CADM2: variants seen among roughly 807,000 people sequenced by gnomAD.
The protein encoded by CADM2 is cell adhesion molecule 2.
In CADM2, 12 loss-of-function variants were observed where a neutral mutation model predicts 49.8. The ratio of observed to expected loss-of-function variants is 0.24; its 90% CI spans 0.15 to 0.39. The LOEUF is 0.39. Ranked by LOEUF, CADM2 falls within the 10% of genes least tolerant of loss-of-function variation. The pLI is 1.00. For synonymous variants in CADM2, 214 were observed against 175.4 expected, an observed-to-expected ratio of 1.22 and a Z score of -1.74; for missense variants, 378 against 492.3, an observed-to-expected ratio of 0.77 and a Z score of 2.20.
At chr3:85,907,552 T>C (rs1716962388) in intron 5 of CADM2, among the ~76,000 whole-genome samples, 1 of 152,182 alleles carries the variant, frequency 6.6e-6, no homozygotes, top group East Asian at 1.9e-4. Flanking sequence ...AGAACTGGCC[T>C]ACTCTAGGCA....
intron 1 of CADM2, 102 bp downstream of exon 1, chr3:84,959,770 C>T: frequency 9.2e-7 from 1 of 1,083,288 alleles, no homozygotes; most frequent in East Asian, 2.6e-5. Flanking sequence ...CTCCCTGTCC[C>T]CAGCGATTTC....
At chr3:84,997,877 A>G (rs75270670) in intron 1 of CADM2, among the ~76,000 whole-genome samples, 8,558 of 152,142 alleles carry the variant, frequency 0.056, 841 homozygotes, top group African/African-American at 0.19. Context: ...TAAGAAAGCT[A>G]TTGCTGTTGA....
At chr3:85,998,140 G>T (rs1185568137) in intron 8 of CADM2, among the ~76,000 whole-genome samples, 2 of 152,132 alleles carry the variant, frequency 1.3e-5, no homozygotes, top group African/African-American at 4.8e-5. Flanking sequence ...CAATTAAAAT[G>T]CTGGGGTAGC....
intron 1 of CADM2, among the ~76,000 whole-genome samples, chr3:85,567,519 G>T (rs1387493184): frequency 1.3e-5 from 2 of 152,072 alleles, no homozygotes; most frequent in African/African-American, 4.8e-5. Flanking sequence ...AGGTCTTAGA[G>T]AAGAAACATT....
Position 85,596,503 on chromosome 3 carries a change from A to T in CADM2, c.62-130019A>T, listed in dbSNP as rs557887221. Among the ~76,000 whole-genome samples the T allele has an allele frequency of 2.6e-5, 4 of 152,210 alleles. No individual in the cohort carries two copies. The South Asian group carries it at 8.3e-4, about 32-fold the overall frequency. ...GACTGATATTTTAAAAACTGCATAT[A>T]ATTAATGTGTGCAAATTGATGAGTA... On this transcript the variant is annotated intron_variant, in intron 1 of 9. Transcript: ENST00000383699.
chr3:85,582,366 C>G (rs191245075), intron 1 of CADM2, among the ~76,000 whole-genome samples: 2 of 152,138 alleles, frequency 1.3e-5, no homozygotes, highest in Non-Finnish European at 1.5e-5. Context: ...AAAAATTGTT[C>G]TAGCAGATGA....
At position 85,070,390 on chromosome 3, in the gene CADM2, A is replaced by G. The variant is rs192170546; in HGVS notation, c.61+110722A>G. 8.3e-4 allele frequency among the ~76,000 whole-genome samples: 127 copies of G among 152,320 alleles called. 1 individual carries two copies. In the Middle Eastern group the frequency reaches 0.02, roughly 24 times the overall value. On this transcript the variant is annotated intron_variant, in intron 1 of 9. Transcript: ENST00000383699. The stretch of plus-strand genomic sequence containing the variant: ...CTATACTTCATATCAAATTATTCTT[A>G]TAGAAAGACTAGATTCCTCTCCTCT...
intron 1 of CADM2, among the ~76,000 whole-genome samples, chr3:85,118,024 T>C (rs1271364691): frequency 6.6e-6 from 1 of 152,124 alleles, no homozygotes; most frequent in East Asian, 1.9e-4. Context: ...AAACTGCTAG[T>C]TTCTTCTGTG....
intron 2 of CADM2, among the ~76,000 whole-genome samples, chr3:85,727,855 T>TA (rs1379933416): frequency 1.3e-5 from 2 of 152,032 alleles, no homozygotes; most frequent in Admixed American, 6.6e-5. Context: ...GTAGTGTATT[T>TA]AAAAAAATAA....
At chr3:85,902,279 C>T (rs970913091) in intron 5 of CADM2, among the ~76,000 whole-genome samples, 16 of 151,730 alleles carry the variant, frequency 1.1e-4, no homozygotes, top group Non-Finnish European at 2.1e-4. Context: ...GAAATGTTCT[C>T]CATTATTTTA....
chr3:85,207,662 A>G (rs1222229629), intron 1 of CADM2, among the ~76,000 whole-genome samples: 2 of 152,142 alleles, frequency 1.3e-5, no homozygotes, highest in African/African-American at 2.4e-5. Context: ...TGTATGATTT[A>G]AAGTAGGTGA....
chr3:85,781,162 A>G (rs1170435415), intron 2 of CADM2, among the ~76,000 whole-genome samples: 2 of 152,178 alleles, frequency 1.3e-5, no homozygotes, highest in Non-Finnish European at 2.9e-5. Flanking sequence ...GGTACTTGCA[A>G]CTAATTAAGA....
chr3:86,045,539 A>G (rs1015216679), intron 8 of CADM2, among the ~76,000 whole-genome samples: 7 of 152,204 alleles, frequency 4.6e-5, no homozygotes, highest in African/African-American at 1.7e-4. Flanking sequence ...ATTGAACCAC[A>G]TAAGCAGATG....
At chr3:85,330,184 A>G (rs1163984461) in intron 1 of CADM2, among the ~76,000 whole-genome samples, 2 of 152,150 alleles carry the variant, frequency 1.3e-5, no homozygotes, top group Admixed American at 1.3e-4. Context: ...CTCATCACCT[A>G]GGAATATTTG....
chr3:85,939,543 A>G (rs940217163), intron 7 of CADM2, among the ~76,000 whole-genome samples: 3 of 151,192 alleles, frequency 2.0e-5, no homozygotes, highest in Non-Finnish European at 4.4e-5. Flanking sequence ...ATGACCTTAA[A>G]TGGTGTGAGG....
chr3:86,003,383 A>T (rs1402129706), intron 8 of CADM2, among the ~76,000 whole-genome samples: 1 of 152,116 alleles, frequency 6.6e-6, no homozygotes, highest in Admixed American at 6.6e-5. Context: ...CAATAACCCC[A>T]TGTCTTCTGC....
intron 1 of CADM2, among the ~76,000 whole-genome samples, chr3:85,294,340 A>G (rs1368948224): frequency 2.6e-5 from 4 of 152,098 alleles, no homozygotes; most frequent in African/African-American, 4.8e-5. Context: ...GGAAGAATCA[A>G]TATCGTGAAA....
chr3:85,036,816 C>A (rs1461435207), intron 1 of CADM2, among the ~76,000 whole-genome samples: 1 of 151,812 alleles, frequency 6.6e-6, no homozygotes, highest in Non-Finnish European at 1.5e-5. Context: ...GTAAAATTGA[C>A]TATGGTATTT....
chr3:85,216,742 G>C (rs1345008106), intron 1 of CADM2, among the ~76,000 whole-genome samples: 2 of 151,872 alleles, frequency 1.3e-5, no homozygotes, highest in African/African-American at 2.4e-5. Context: ...TGCTATAAAG[G>C]TCATATTTAT....
Sources: allele counts gnomAD v4.1 joint callset (sites outside exome capture counted in the v4.1 genomes callset), GRCh38; gene constraint gnomAD v4.1.1; transcripts MANE v1.5; gene names NCBI Gene and HGNC (gene_info 2026-07-23, HGNC 2026-07-21).